The following RAB3GAP1 variants were observed in gnomAD, a reference collection of about 807,000 sequenced individuals.
RAB3GAP1 encodes the protein RAB3 GTPase activating protein catalytic subunit 1.
RAB3GAP1 carries 86 observed loss-of-function variants against 130.7 expected under a neutral mutation model. The observed-to-expected ratio is 0.66, with a 90% CI of 0.55 to 0.79. The LOEUF (loss-of-function observed/expected upper bound fraction) is 0.79, where lower values mean the gene tolerates loss of function less well. Ranked by LOEUF, RAB3GAP1 falls within the 30% of genes least tolerant of loss-of-function variation. RAB3GAP1 has a pLI of 0.00. For synonymous variants in RAB3GAP1, 367 were observed against 401.7 expected, an observed-to-expected ratio of 0.91 and a Z score of 1.03; for missense variants, 1,029 against 1,169.4, an observed-to-expected ratio of 0.88 and a Z score of 1.75.
intron 22 of RAB3GAP1, among the ~76,000 whole-genome samples, chr2:135,163,443 G>A (rs1692528650): frequency 1.3e-5 from 2 of 152,200 alleles, no homozygotes; most frequent in African/African-American, 2.4e-5. Flanking sequence ...GTTTTCAGCT[G>A]TTACTATTCC....
chr2:135,071,714 A>G lies in RAB3GAP1; in HGVS notation c.150+13628A>G, dbSNP rs150762523. Among the ~76,000 whole-genome samples the G allele has an allele frequency of 1.9e-3, 291 of 152,154 alleles. 1 individual carries two copies. Among genetic ancestry groups the G allele is most frequent in the Middle Eastern group, 0.014 (4 of 294 alleles). On this transcript the variant is annotated intron_variant, in intron 3 of 23. Transcript: ENST00000264158. ...TCCCCTTCCATGTTGTTGTTTACCT[A>G]TCAGGTCTCCACATTCCCCCCACAG...
chr2:135,123,716 TATA>T (rs1691267285), intron 8 of RAB3GAP1, among the ~76,000 whole-genome samples: 1 of 152,146 alleles, frequency 6.6e-6, no homozygotes. Flanking sequence ...TCAACCAAAA[TATA>T]ATGTTATTAA....
At chr2:135,078,707 C>CTCCTT (rs1212717125) in intron 3 of RAB3GAP1, among the ~76,000 whole-genome samples, 1 of 116,574 alleles carries the variant, frequency 8.6e-6, no homozygotes, top group African/African-American at 3.6e-5. Flanking sequence ...CCCCTCCCCT[C>CTCCTT]TCCTTTCCTT....
intron 3 of RAB3GAP1, among the ~76,000 whole-genome samples, chr2:135,070,619 T>G (rs1240191665): frequency 6.6e-6 from 1 of 152,146 alleles, no homozygotes; most frequent in Admixed American, 6.5e-5. Flanking sequence ...GCAGTTCTCT[T>G]GCCTCAGTCT....
chr2:135,153,320 A>G (rs905585382), intron 18 of RAB3GAP1, among the ~76,000 whole-genome samples: 4 of 152,216 alleles, frequency 2.6e-5, no homozygotes, highest in African/African-American at 9.6e-5. Flanking sequence ...GAGTTTTTAT[A>G]TCCAAATTCA....
In RAB3GAP1 at chr2:135,058,104, G is replaced by A. The variant is rs749485374; in HGVS notation, c.150+18G>A. 1.3e-6 allele frequency: 2 copies of A among 1,586,916 alleles called. No homozygotes were observed. The highest frequency in any genetic ancestry group is 1.7e-6 in the Non-Finnish European group (2 of 1,155,698). ...TCGAAAAGGTCAGATCTATTTGCTG[G>A]TGTCTCTAAATGACTATTTACTTTG... On this transcript the variant is annotated intron_variant, in intron 3 of 23. Transcript: ENST00000264158.
intron 3 of RAB3GAP1, chr2:135,059,214 T>C (rs1383483581): frequency 6.6e-6 from 1 of 152,206 alleles, no homozygotes; most frequent in Non-Finnish European, 1.5e-5. Flanking sequence ...CGGGTCATTC[T>C]ACTCCACTTG....
intron 7 of RAB3GAP1, among the ~76,000 whole-genome samples, chr2:135,117,068 A>G (rs753623984): frequency 5.3e-5 from 8 of 152,036 alleles, no homozygotes; most frequent in Non-Finnish European, 8.8e-5. Context: ...CATTTACGAG[A>G]TTAGGAAATT....
intron 17 of RAB3GAP1, among the ~76,000 whole-genome samples, chr2:135,141,102 A>G (rs1412295310): frequency 6.8e-6 from 1 of 147,300 alleles, no homozygotes; most frequent in African/African-American, 2.5e-5. Flanking sequence ...GCCTTTGCCT[A>G]TTTTTTTCTT....
chr2:135,165,410 G>A (rs1383493639), intron 23 of RAB3GAP1, among the ~76,000 whole-genome samples: 2 of 152,158 alleles, frequency 1.3e-5, no homozygotes, highest in African/African-American at 4.8e-5. Flanking sequence ...CCCTTATATG[G>A]CACTGTGATT....
In RAB3GAP1 at chr2:135,147,048, C is replaced by T. The variant is rs567340120; in HGVS notation, c.1924-3321C>T. ...AAATTATTGTATGTTGATTCTACTT[C>T]TAAAAAGTTGTTTAGGGCTGGGTGA... On this transcript the variant is annotated intron_variant, in intron 17 of 23. Coordinates refer to ENST00000264158, the MANE Select transcript of RAB3GAP1 (RefSeq NM_012233.3). Among the ~76,000 whole-genome samples, 16 of 152,010 alleles carry T rather than the reference C, an allele frequency of 1.1e-4. No homozygotes were observed. In the South Asian group the frequency reaches 2.9e-3, roughly 28 times the overall value.
intron 17 of RAB3GAP1, among the ~76,000 whole-genome samples, chr2:135,149,769 T>C (rs936358233): frequency 3.9e-5 from 6 of 152,160 alleles, no homozygotes; most frequent in African/African-American, 1.4e-4. Flanking sequence ...TTCTCTTGCC[T>C]CAGCCTCCTG....
intron 3 of RAB3GAP1, among the ~76,000 whole-genome samples, chr2:135,074,039 C>T (rs780997565): frequency 1.3e-5 from 2 of 152,170 alleles, no homozygotes; most frequent in Non-Finnish European, 2.9e-5. Flanking sequence ...GGGCCTTACA[C>T]TGGATGAACA....
chr2:135,146,116 G>A (rs895726475), intron 17 of RAB3GAP1, among the ~76,000 whole-genome samples: 1 of 149,448 alleles, frequency 6.7e-6, no homozygotes, highest in Admixed American at 6.6e-5. Context: ...GTAAGTCAGA[G>A]TTTAGGTTTC....
downstream of RAB3GAP1, among the ~76,000 whole-genome samples, chr2:135,174,120 G>A (rs1364981841): frequency 2.0e-5 from 3 of 152,248 alleles, no homozygotes; most frequent in Non-Finnish European, 4.4e-5. Flanking sequence ...GGAAGCTTGT[G>A]ATGTCTGACA....
At chr2:135,079,206 G>A (rs1478862250) in intron 3 of RAB3GAP1, among the ~76,000 whole-genome samples, 4 of 152,086 alleles carry the variant, frequency 2.6e-5, no homozygotes, top group African/African-American at 9.7e-5. Context: ...GGATGGTCTT[G>A]AACTCCTGGG....
At chr2:135,163,635 C>T (rs78064179) in intron 22 of RAB3GAP1, among the ~76,000 whole-genome samples, 1,592 of 152,274 alleles carry the variant, frequency 0.01, 11 homozygotes, top group Non-Finnish European at 0.016. Context: ...TTATGAGACT[C>T]GGCACCATTA....
At position 135,124,260 on chromosome 2, in the gene RAB3GAP1, C is replaced by G. The variant is rs1459848768; in HGVS notation, c.830+14C>G. On this transcript the variant is annotated intron_variant, in intron 9 of 23. Transcript: ENST00000264158. The stretch of plus-strand genomic sequence containing the variant: ...AGATCCTATTAGGTGAGAATTTCAA[C>G]CTGTCATTTGAATTGTGGGAATATT... 6.2e-7 allele frequency: 1 copy of G among 1,607,230 alleles called. No individual in the cohort carries two copies. Among genetic ancestry groups the G allele is most frequent in the East Asian group, 2.2e-5 (1 of 44,844 alleles).
chr2:135,126,495 A>ATGTTT, intron 10 of RAB3GAP1, 88 bp from the exon 11 acceptor site: 1 of 1,258,560 alleles, frequency 7.9e-7, no homozygotes, highest in South Asian at 1.2e-5. Context: ...TTGTCCTTCT[A>ATGTTT]TGTTTTCATT....
Sources: allele counts gnomAD v4.1 joint callset (sites outside exome capture counted in the v4.1 genomes callset), GRCh38; gene constraint gnomAD v4.1.1; transcripts MANE v1.5; gene names NCBI Gene and HGNC (gene_info 2026-07-23, HGNC 2026-07-21).